Variants in EXOC4 observed in about 807,000 individuals in gnomAD.
EXOC4 encodes the protein exocyst complex component 4, also known as SEC8-like 1.
In EXOC4, 71 loss-of-function variants were observed where a neutral mutation model predicts 107.2. The ratio of observed to expected loss-of-function variants is 0.66; its 90% CI spans 0.55 to 0.81. The LOEUF (loss-of-function observed/expected upper bound fraction) is 0.81. EXOC4 is among the 30% of genes least tolerant of loss of function. The pLI is 0.00. For synonymous variants in EXOC4, 456 were observed against 441.2 expected (o/e 1.03, Z -0.42); for missense variants, 1,108 against 1,189.6 (o/e 0.93, Z 1.01).
intron 12 of EXOC4, among the ~76,000 whole-genome samples, chr7:133,901,155 C>G (rs984477004): frequency 6.6e-6 from 1 of 152,148 alleles, no homozygotes; most frequent in Non-Finnish European, 1.5e-5. Context: ...CAGGCATGAG[C>G]CACCATGCCT....
At chr7:133,640,704 G>A (rs1160006833) in intron 10 of EXOC4, among the ~76,000 whole-genome samples, 2 of 152,132 alleles carry the variant, frequency 1.3e-5, no homozygotes, top group Non-Finnish European at 1.5e-5. Context: ...AAAATTAGTT[G>A]ACATGTTTCC....
intron 9 of EXOC4, among the ~76,000 whole-genome samples, chr7:133,610,401 A>G (rs1802049535): frequency 1.3e-5 from 2 of 152,218 alleles, no homozygotes; most frequent in East Asian, 1.9e-4. Context: ...TAAGAAAGTC[A>G]TTACTTTTTC....
intron 9 of EXOC4, among the ~76,000 whole-genome samples, chr7:133,498,632 C>G (rs1024754879): frequency 6.6e-6 from 1 of 152,142 alleles, no homozygotes; most frequent in African/African-American, 2.4e-5. Context: ...CTTGCTTCTA[C>G]CCAGGTTCTA....
chr7:133,820,154 A>ATTTTTTTTTTTT (rs35640945), intron 11 of EXOC4, among the ~76,000 whole-genome samples: 4 of 70,288 alleles, frequency 5.7e-5, no homozygotes, highest in African/African-American at 1.6e-4. Flanking sequence ...CACCTGCTTC[A>ATTTTTTTTTTTT]TTTTTTTTTT....
intron 7 of EXOC4, among the ~76,000 whole-genome samples, chr7:133,466,241 A>C (rs1798724279): frequency 6.6e-6 from 1 of 152,136 alleles, no homozygotes; most frequent in Non-Finnish European, 1.5e-5. Context: ...AACTGTAGGA[A>C]AAAAAAGTGG....
At chr7:133,486,584 A>T (rs973070358) in intron 9 of EXOC4, among the ~76,000 whole-genome samples, 2 of 152,200 alleles carry the variant, frequency 1.3e-5, no homozygotes, top group Non-Finnish European at 2.9e-5. Flanking sequence ...TTGCTTAATG[A>T]CTTCATTAAT....
At position 133,509,423 on chromosome 7, in the gene EXOC4, G is replaced by A. The variant is rs536585177; in HGVS notation, c.1417+29285G>A. Among the ~76,000 whole-genome samples, 123 of 150,700 alleles carry A rather than the reference G, an allele frequency of 8.2e-4. 1 individual carries two copies. The highest frequency in any genetic ancestry group is 2.7e-3 in the African/African-American group (111 of 40,942). ...AGCCTGGGCAACAGAGCAAGACTCC[G>A]TCTAAAAAAAAAAAAAGAAATATAA... On this transcript the variant is annotated intron_variant, in intron 9 of 17. Coordinates refer to ENST00000253861, the MANE Select transcript of EXOC4 (RefSeq NM_021807.4).
At chr7:133,378,144 A>G (rs770150695) in intron 7 of EXOC4, among the ~76,000 whole-genome samples, 2 of 151,966 alleles carry the variant, frequency 1.3e-5, no homozygotes, top group Non-Finnish European at 2.9e-5. Context: ...CCCTGTCTCT[A>G]TGAAAAATAC....
At chr7:133,730,496 A>T (rs1307196961) in intron 10 of EXOC4, among the ~76,000 whole-genome samples, 1 of 152,118 alleles carries the variant, frequency 6.6e-6, no homozygotes, top group Non-Finnish European at 1.5e-5. Flanking sequence ...TTCTTAAAAA[A>T]ACAGCTTTCT....
chr7:133,892,392 A>AT (rs1369412649), intron 11 of EXOC4, among the ~76,000 whole-genome samples: 23 of 15,910 alleles, frequency 1.4e-3, no homozygotes, highest in Middle Eastern at 0.025. Flanking sequence ...GGATTCATTG[A>AT]TTTTTTGAAG....
chr7:133,656,785 G>A (rs972642331), intron 10 of EXOC4, among the ~76,000 whole-genome samples: 5 of 152,164 alleles, frequency 3.3e-5, no homozygotes, highest in African/African-American at 1.2e-4. Flanking sequence ...TTTGAATGTT[G>A]TGAAATGATA....
At position 133,867,542 on chromosome 7, in the gene EXOC4, C is replaced by T. The variant is rs78076816; in HGVS notation, c.1735-28057C>T. On this transcript the variant is annotated intron_variant, in intron 11 of 17. Transcript: ENST00000253861. ...AAGCTGTTAATCCTTTCCTGGGGAA[C>T]CATTCTTTTCAAGTGAGGGCAGAGA... 2.0e-4 allele frequency among the ~76,000 whole-genome samples: 31 copies of T among 152,258 alleles called. No individual in the cohort carries two copies. In the East Asian group the frequency reaches 5.4e-3, roughly 27 times the overall value.
intron 9 of EXOC4, among the ~76,000 whole-genome samples, chr7:133,572,426 A>G (rs187247104): frequency 1.1e-3 from 170 of 152,306 alleles, no homozygotes; most frequent in Non-Finnish European, 2.3e-3. Context: ...AAGCTTAGGG[A>G]AAAAAACTTG....
At chr7:133,999,040 G>A (rs571858349) in intron 15 of EXOC4, among the ~76,000 whole-genome samples, 254 of 152,200 alleles carry the variant, frequency 1.7e-3, no homozygotes, top group African/African-American at 5.9e-3. Context: ...GGGAGGAGAA[G>A]GGTGGAAATC....
At chr7:133,430,040 C>G (rs1797819824) in intron 7 of EXOC4, among the ~76,000 whole-genome samples, 1 of 152,184 alleles carries the variant, frequency 6.6e-6, no homozygotes, top group Non-Finnish European at 1.5e-5. Flanking sequence ...TACACCCTGC[C>G]CTCTTGGTAC....
intron 11 of EXOC4, among the ~76,000 whole-genome samples, chr7:133,865,489 T>C (rs766097180): frequency 6.6e-6 from 1 of 152,224 alleles, no homozygotes; most frequent in Non-Finnish European, 1.5e-5. Flanking sequence ...GTAGAAACAC[T>C]TGTATCTTAG....
the EXOC4 span, among the ~76,000 whole-genome samples, chr7:134,096,931 C>G: frequency 6.6e-6 from 1 of 151,992 alleles, no homozygotes; most frequent in African/African-American, 2.4e-5. Context: ...ATCAAGTTGA[C>G]ACTCAATATT....
chr7:134,038,298 G>A (rs1324912121), intron 17 of EXOC4, among the ~76,000 whole-genome samples: 1 of 152,194 alleles, frequency 6.6e-6, no homozygotes, highest in Non-Finnish European at 1.5e-5. Flanking sequence ...TGGAGATCCA[G>A]TGAACACATA....
chr7:133,526,697 C>T (rs1432377127), intron 9 of EXOC4, among the ~76,000 whole-genome samples: 1 of 152,166 alleles, frequency 6.6e-6, no homozygotes. Flanking sequence ...TATAGCCGGG[C>T]GTAGTGGCTT....
Sources: allele counts gnomAD v4.1 joint callset (sites outside exome capture counted in the v4.1 genomes callset), GRCh38; gene constraint gnomAD v4.1.1; transcripts MANE v1.5; gene names NCBI Gene and HGNC (gene_info 2026-07-23, HGNC 2026-07-21).